NUP214: variants seen among roughly 807,000 people sequenced by gnomAD.
NUP214 encodes the protein nuclear pore complex protein Nup214.
A neutral mutation model predicts 196.2 loss-of-function variants in NUP214; 79 were observed. The ratio of observed to expected loss-of-function variants is 0.40; its 90% CI spans 0.34 to 0.49. NUP214 has a LOEUF of 0.49. NUP214 is among the 20% of genes least tolerant of loss of function. The pLI is 0.58. For synonymous variants in NUP214, 1,020 were observed against 990.5 expected (o/e 1.03, Z -0.56); for missense variants, 2,468 against 2,539.0 (o/e 0.97, Z 0.60).
In NUP214 at chr9:131,197,790, A is replaced by G. The variant is rs1480037157; in HGVS notation, c.4296A>G (p.Leu1432=). 6.2e-7 allele frequency: 1 copy of G among 1,614,056 alleles called. No homozygotes were observed. The highest frequency in any genetic ancestry group is 8.5e-7 in the Non-Finnish European group (1 of 1,180,010). ...TCATCAGTTTTGGTGGGACATCTCT[A>G]AGTGCTGGCAAGACTAGTTTTTCAT... ...SGVISFGGTS[L]SAGKTSFSFG... is the part of the protein sequence containing the mutation. The change falls in exon 29 of 36, where the codon CTA becomes CTG. Residue 1432 remains leucine (L), a synonymous_variant. Transcript: ENST00000359428.
At chr9:131,132,119 CT>C (rs71389396) in intron 5 of NUP214, among the ~76,000 whole-genome samples, 10 of 114,652 alleles carry the variant, frequency 8.7e-5, no homozygotes, top group African/African-American at 3.2e-4. Context: ...TCTTTTCTTT[CT>C]TTTTTTTTTT....
chr9:131,192,127 GA>G (rs1833618310), intron 26 of NUP214, 80 bp from the exon 27 acceptor site: 2 of 941,558 alleles, frequency 2.1e-6, no homozygotes, highest in South Asian at 3.3e-5. Context: ...GAGCTACAGG[GA>G]ATTATACACT....
rs1364920109 is a variant in NUP214, at chr9:131,147,405, C to T, written c.1946-85C>T. 17 of 1,034,000 alleles carry T rather than the reference C, an allele frequency of 1.6e-5. No homozygotes were observed. In the South Asian group the frequency reaches 2.0e-4, roughly 12 times the overall value. The allele number at this position is 1,034,000 out of a possible 1,614,324, so 64.1% of individuals were successfully genotyped here. A position where few individuals can be genotyped will look rare whatever the true frequency, so the allele number is the denominator to read the frequency against. On this transcript the variant is annotated intron_variant, in intron 13 of 35. Transcript: ENST00000359428. Reference sequence around the variant, plus strand: ...CCAGGGGCAATGTGTAACTTAATTTCTTAGATTTGGAGAAAGGACATTTGT... The same window carrying T: ...CCAGGGGCAATGTGTAACTTAATTTTTTAGATTTGGAGAAAGGACATTTGT...
intron 31 of NUP214, among the ~76,000 whole-genome samples, chr9:131,215,699 G>A (rs932757460): frequency 6.6e-6 from 1 of 152,022 alleles, no homozygotes; most frequent in African/African-American, 2.4e-5. Context: ...GCATAAATGA[G>A]CAGCAGCAGA....
chr9:131,214,148 TG>T (rs969484578), intron 30 of NUP214, among the ~76,000 whole-genome samples: 2 of 151,710 alleles, frequency 1.3e-5, no homozygotes, highest in East Asian at 1.9e-4. Context: ...CCCTAGGGGG[TG>T]GGGGGCATTT....
chr9:131,140,316 T>TGG (rs1390047088), intron 10 of NUP214, among the ~76,000 whole-genome samples: 4 of 152,076 alleles, frequency 2.6e-5, no homozygotes, highest in African/African-American at 9.7e-5. Context: ...GCGGGACTGA[T>TGG]GGAGCTTCTA....
intron 26 of NUP214, chr9:131,190,360 C>T: frequency 1.6e-6 from 1 of 636,968 alleles, no homozygotes; most frequent in Non-Finnish European, 2.8e-6. Flanking sequence ...AGGAACTTTG[C>T]TTTATGCATG....
intron 24 of NUP214, among the ~76,000 whole-genome samples, chr9:131,182,406 C>T (rs1324613986): frequency 1.3e-5 from 2 of 152,216 alleles, no homozygotes; most frequent in African/African-American, 4.8e-5. Context: ...TTTGGATTCT[C>T]ATAGGAGCAT....
At chr9:131,162,773 C>G (rs1245065537) in intron 18 of NUP214, 17 of 550,912 alleles carry the variant, frequency 3.1e-5, no homozygotes, top group Non-Finnish European at 4.8e-5. Flanking sequence ...CAGGACTGGC[C>G]TGCCTGTTTC....
intron 32 of NUP214, among the ~76,000 whole-genome samples, chr9:131,225,666 G>A (rs947762891): frequency 6.6e-6 from 1 of 152,182 alleles, no homozygotes; most frequent in Non-Finnish European, 1.5e-5. Flanking sequence ...TGCAGAACTC[G>A]TATTGGTTCT....
At chr9:131,132,092 C>T (rs1386033462) in intron 5 of NUP214, among the ~76,000 whole-genome samples, 1 of 148,072 alleles carries the variant, frequency 6.8e-6, no homozygotes, top group Non-Finnish European at 1.5e-5. Flanking sequence ...CATGTTCATG[C>T]GTTCATGCGT....
At chr9:131,135,628 G>C (rs1050283809) in intron 8 of NUP214, among the ~76,000 whole-genome samples, 4 of 152,206 alleles carry the variant, frequency 2.6e-5, no homozygotes, top group African/African-American at 9.6e-5. Context: ...TCAAAGCAAA[G>C]CTTCCATCCC....
At position 131,163,041 on chromosome 9, in the gene NUP214, A is replaced by G. The variant is rs144835166; in HGVS notation, c.2591A>G (p.Asn864Ser). 468 of 1,614,084 alleles carry G rather than the reference A, an allele frequency of 2.9e-4. 1 individual carries two copies. Among genetic ancestry groups the G allele is most frequent in the Admixed American group, 4.0e-4 (24 of 60,006 alleles). The change falls in exon 19 of 36, where the codon AAT (asparagine) becomes AGT (serine). Residue 864 changes from asparagine to serine, a missense_variant. Coordinates refer to ENST00000359428, the MANE Select transcript of NUP214 (RefSeq NM_005085.4). ...RETLFNTLAN[N>S]REIINQQRKR... ...ACACTGTTTAACACCCTAGCCAACA[A>G]TCGGGAAATCATCAACCAACAGAGG...
chr9:131,132,506 G>A lies in NUP214; in HGVS notation c.664-90G>A, dbSNP rs915268267. On this transcript the variant is annotated intron_variant, in intron 5 of 35. Transcript: ENST00000359428. ...CCCGGCCAAGGAGATGGAACAGGTAGCATCTAAGGAATAGATTAGATTTGA... is the reference window on the plus strand; with the variant it reads ...CCCGGCCAAGGAGATGGAACAGGTAACATCTAAGGAATAGATTAGATTTGA... The A allele has an allele frequency of 1.5e-4, 159 of 1,071,122 alleles. 3 individuals carry two copies. The South Asian group carries it at 1.7e-3, about 12-fold the overall frequency. The allele number at this position is 1,071,122 out of a possible 1,614,324, so 66.4% of individuals were successfully genotyped here.
intron 26 of NUP214, chr9:131,190,724 T>G (rs1169806150): frequency 2.8e-6 from 1 of 363,176 alleles, no homozygotes; most frequent in African/African-American, 2.1e-5. Context: ...GCCCTATAGA[T>G]TCTGTATTCC....
intron 2 of NUP214, among the ~76,000 whole-genome samples, chr9:131,128,089 A>G (rs1361474839): frequency 6.6e-6 from 1 of 152,212 alleles, no homozygotes; most frequent in East Asian, 1.9e-4. Flanking sequence ...TGTTGCAAAA[A>G]TATTTTCAAC....
intron 26 of NUP214, chr9:131,191,927 C>A: frequency 3.9e-6 from 1 of 254,616 alleles, no homozygotes; most frequent in East Asian, 7.4e-5. Flanking sequence ...TACATTTAAA[C>A]TATACTAGAA....
At chr9:131,165,330 A>T (rs1832758470) in intron 21 of NUP214, 1 of 152,176 alleles carries the variant, frequency 6.6e-6, no homozygotes, top group African/African-American at 2.4e-5. Context: ...GGCCTCACTT[A>T]GTTATTTTGG....
Position 131,198,417 on chromosome 9 carries a change from C to T in NUP214, c.4923C>T (p.Gly1641=), listed in dbSNP as rs772350506. ...EAAAFGTVTS[G]SSVFAQPPAA... ...CAGCATTTGGTACCGTCACTTCTGG[C>T]TCATCCGTCTTTGCTCAGCCTCCTG... The change falls in exon 29 of 36, where the codon GGC becomes GGT. Residue 1641 remains glycine, a synonymous_variant. Coordinates refer to ENST00000359428, the MANE Select transcript of NUP214 (RefSeq NM_005085.4). 6.2e-7 allele frequency: 1 copy of T among 1,614,238 alleles called. No individual in the cohort carries two copies. The highest frequency in any genetic ancestry group is 8.5e-7 in the Non-Finnish European group (1 of 1,180,034).
Sources: gnomAD v4.1 joint callset for allele counts (sites outside exome capture counted in the v4.1 genomes callset) on GRCh38, gnomAD v4.1.1 for gene constraint, MANE v1.5 for transcripts, NCBI Gene and HGNC (gene_info 2026-07-23, HGNC 2026-07-21) for gene names.